The following RARB variants were observed in gnomAD, a reference collection of about 807,000 sequenced individuals.
RARB encodes HBV-activated protein.
In RARB, 17 loss-of-function variants were observed where a neutral mutation model predicts 51.9. That is an observed-to-expected ratio of 0.33 (90% CI 0.22 to 0.49). The LOEUF is 0.49. RARB is among the 20% of genes least tolerant of loss of function. The probability of loss-of-function intolerance (pLI) is 0.99; values close to 1 mark genes in which losing one functional copy is unlikely to be tolerated. For synonymous variants in RARB, 215 were observed against 195.4 expected (o/e 1.10, Z -0.84); for missense variants, 369 against 550.8 (o/e 0.67, Z 3.30).
chr3:25,027,404 C>G (rs1487677714), intron 2 of RARB, among the ~76,000 whole-genome samples: 1 of 152,134 alleles, frequency 6.6e-6, no homozygotes, highest in Non-Finnish European at 1.5e-5. Context: ...GTTTCCTTCT[C>G]TCTAAAATAC....
Position 24,879,378 on chromosome 3 carries a change from G to A in RARB, c.-380+20626G>A, listed in dbSNP as rs1335954275. On this transcript the variant is annotated intron_variant, in intron 2 of 11. Coordinates refer to the RARB transcript ENST00000383772. ...CGGGAGGCGGAGCTTGCAGTGAGGC[G>A]AGATCGCATCACTGCATTCCAGCCT... Among the ~76,000 whole-genome samples, 6 of 151,120 alleles carry A rather than the reference G, an allele frequency of 4.0e-5. No individual in the cohort carries two copies. In the South Asian group the frequency reaches 8.3e-4, roughly 21 times the overall value.
At chr3:24,975,558 CT>C (rs1575100317) in intron 2 of RARB, among the ~76,000 whole-genome samples, 2 of 152,228 alleles carry the variant, frequency 1.3e-5, no homozygotes. Context: ...ATAATTTGCT[CT>C]AACATCCCTC....
At chr3:25,319,720 G>A (rs1704516365) in intron 5 of RARB, among the ~76,000 whole-genome samples, 1 of 152,178 alleles carries the variant, frequency 6.6e-6, no homozygotes, top group African/African-American at 2.4e-5. Context: ...AAAGTGATCT[G>A]ATGATGAAAC....
At chr3:24,896,048 G>A (rs554448285) in intron 2 of RARB, among the ~76,000 whole-genome samples, 45 of 152,272 alleles carry the variant, frequency 3.0e-4, no homozygotes, top group African/African-American at 1.0e-3. Flanking sequence ...ATGAAATTCC[G>A]TTACATGATG....
At chr3:25,161,019 T>C (rs1700464502) in intron 4 of RARB, among the ~76,000 whole-genome samples, 2 of 151,978 alleles carry the variant, frequency 1.3e-5, no homozygotes. Flanking sequence ...GTTGTTGTTG[T>C]TGTTGTTGTT....
intron 4 of RARB, among the ~76,000 whole-genome samples, chr3:25,153,419 A>G (rs1487543736): frequency 6.6e-6 from 1 of 152,170 alleles, no homozygotes; most frequent in African/African-American, 2.4e-5. Context: ...TAATTTCTTT[A>G]TCGAGTTACC....
chr3:25,019,813 G>C (rs1697589629), intron 2 of RARB, among the ~76,000 whole-genome samples: 3 of 152,152 alleles, frequency 2.0e-5, no homozygotes, highest in Non-Finnish European at 4.4e-5. Flanking sequence ...ACCAACGCTG[G>C]ATGATCTGAG....
At chr3:24,845,345 AG>A (rs1335299870) in intron 1 of RARB, among the ~76,000 whole-genome samples, 3 of 152,188 alleles carry the variant, frequency 2.0e-5, no homozygotes, top group Non-Finnish European at 4.4e-5. Flanking sequence ...TACCTCGACT[AG>A]GAAGGAGCAG....
chr3:25,269,652 T>G (rs1703209008), intron 5 of RARB, among the ~76,000 whole-genome samples: 1 of 152,180 alleles, frequency 6.6e-6, no homozygotes, highest in Non-Finnish European at 1.5e-5. Context: ...GCAGTAGTAA[T>G]TATAAATGAT....
At chr3:24,860,777 G>A (rs1702735454) in intron 2 of RARB, among the ~76,000 whole-genome samples, 3 of 152,134 alleles carry the variant, frequency 2.0e-5, no homozygotes, top group Admixed American at 6.5e-5. Context: ...GTGATAATGT[G>A]CTGTGTGACA....
At chr3:24,932,274 C>T (rs964420445) in intron 2 of RARB, among the ~76,000 whole-genome samples, 5 of 151,924 alleles carry the variant, frequency 3.3e-5, no homozygotes, top group Non-Finnish European at 7.4e-5. Flanking sequence ...TTGAAGTCAC[C>T]ATCCTAAAAC....
At chr3:25,414,070 C>T (rs567418399) in intron 5 of RARB, among the ~76,000 whole-genome samples, 1 of 86,834 alleles carries the variant, frequency 1.2e-5, no homozygotes, top group Non-Finnish European at 2.3e-5. Flanking sequence ...CCTGTCGCTC[C>T]CTTTTCCCTA....
chr3:25,120,452 T>C (rs1699764399), intron 3 of RARB, among the ~76,000 whole-genome samples: 1 of 151,922 alleles, frequency 6.6e-6, no homozygotes, highest in Admixed American at 6.6e-5. Flanking sequence ...AGTTATAAAC[T>C]TTAACCAGTT....
chr3:25,524,684 C>T (rs1698565293), intron 3 of RARB, among the ~76,000 whole-genome samples: 1 of 147,142 alleles, frequency 6.8e-6, no homozygotes, highest in African/African-American at 2.5e-5. Context: ...TTCCTATCCT[C>T]TTCTTTCTGT....
intron 2 of RARB, among the ~76,000 whole-genome samples, chr3:24,887,366 A>G (rs577412421): frequency 1.3e-5 from 2 of 152,354 alleles, no homozygotes; most frequent in South Asian, 4.1e-4. Flanking sequence ...TTATTACAGC[A>G]TGTCTCATAG....
At chr3:25,225,890 C>A (rs1396757508) in intron 5 of RARB, among the ~76,000 whole-genome samples, 1 of 152,128 alleles carries the variant, frequency 6.6e-6, no homozygotes, top group African/African-American at 2.4e-5. Flanking sequence ...CAACCTTGCA[C>A]CCATTACAGA....
At chr3:25,471,961 G>C (rs921935408) in intron 2 of RARB, among the ~76,000 whole-genome samples, 2 of 152,042 alleles carry the variant, frequency 1.3e-5, no homozygotes, top group African/African-American at 4.8e-5. Context: ...TCAGGGCAGG[G>C]CTCAGAGCCC....
intron 2 of RARB, among the ~76,000 whole-genome samples, chr3:25,498,926 G>A (rs1431524105): frequency 1.3e-5 from 2 of 152,024 alleles, no homozygotes; most frequent in Admixed American, 6.6e-5. Context: ...ACAGATTCTG[G>A]GAGGATTTCA....
At chr3:24,830,420 C>CGTGTGTGTGTGTGTGTGTGTGT (rs59434163) in intron 1 of RARB, among the ~76,000 whole-genome samples, 76 of 121,508 alleles carry the variant, frequency 6.3e-4, no homozygotes, top group African/African-American at 2.0e-3. Context: ...TGACAGAAGA[C>CGTGTGTGTGTGTGTGTGTGTGT]GTGTGTGTGT....
Sources: allele counts gnomAD v4.1 joint callset (sites outside exome capture counted in the v4.1 genomes callset), GRCh38; gene constraint gnomAD v4.1.1; transcripts MANE v1.5; gene names NCBI Gene and HGNC (gene_info 2026-07-23, HGNC 2026-07-21).